Variants in TCP1 observed in about 807,000 individuals in gnomAD.
The protein encoded by TCP1 is t-complex 1, also known as T-complex protein 1 subunit alpha.
A neutral mutation model predicts 54.7 loss-of-function variants in TCP1; 6 were observed. The observed-to-expected ratio is 0.11, with a 90% CI of 0.06 to 0.22. The LOEUF (loss-of-function observed/expected upper bound fraction) is 0.22, where lower values mean the gene tolerates loss of function less well. Ranked by LOEUF, TCP1 falls within the 10% of genes least tolerant of loss-of-function variation. The pLI is 1.00. For synonymous variants in TCP1, 225 were observed against 229.7 expected, an observed-to-expected ratio of 0.98 and a Z score of 0.19; for missense variants, 511 against 678.2, an observed-to-expected ratio of 0.75 and a Z score of 2.74.
At chr6:159,786,273 G>C (rs903336551) in intron 3 of TCP1, among the ~76,000 whole-genome samples, 2 of 152,150 alleles carry the variant, frequency 1.3e-5, no homozygotes, top group African/African-American at 2.4e-5. Flanking sequence ...CTGATGGGGG[G>C]AGGAAAACTT....
chr6:159,786,087 T>A, intron 3 of TCP1, 90 bp from the exon 4 acceptor site: 1 of 984,028 alleles, frequency 1.0e-6, no homozygotes, highest in Non-Finnish European at 1.6e-6. Flanking sequence ...CATATATTAT[T>A]AACCAAAATG....
chr6:159,784,971 C>T (rs1303489789), intron 5 of TCP1, 124 bp from the exon 6 acceptor site: 3 of 897,250 alleles, frequency 3.3e-6, no homozygotes, highest in Non-Finnish European at 5.3e-6. Flanking sequence ...GCAAGCATTA[C>T]TTGTCACCAA....
In TCP1 at chr6:159,778,698, C is replaced by T. The variant is rs1003349631; in HGVS notation, c.*347G>A. 1 of 1,614,234 alleles carries T rather than the reference C, an allele frequency of 6.2e-7. No individual in the cohort carries two copies. Among genetic ancestry groups the T allele is most frequent in the Middle Eastern group, 1.6e-4 (1 of 6,062 alleles). On this transcript the variant is annotated 3_prime_UTR_variant, in exon 12 of 12. Coordinates refer to ENST00000321394, the MANE Select transcript of TCP1 (RefSeq NM_030752.3). ...AGGGGCTATAGCCTTGGGCCACCCT[C>T]TTGGAGCATCTGGCTGTCGAATTCT...
At chr6:159,785,204 C>T (rs927380325) in intron 5 of TCP1, 182 bp downstream of exon 5, 13 of 619,428 alleles carry the variant, frequency 2.1e-5, no homozygotes, top group African/African-American at 1.1e-4. Flanking sequence ...TGCGCACACA[C>T]GCACCCACTC....
In TCP1 at chr6:159,787,821, T is replaced by A; in HGVS notation, c.201A>T (p.Val67=). The change falls in exon 3 of 12, where the codon GTA becomes GTT. Residue 67 remains valine (V), a synonymous_variant. Transcript: ENST00000321394. ...AAAGAACTTTAGCTGCAGGATGTTCTACCTCCAGTAACTTCAGGATGGTTG... is the reference window on the plus strand; with the variant it reads ...AAAGAACTTTAGCTGCAGGATGTTCAACCTCCAGTAACTTCAGGATGGTTG... The part of the protein sequence containing the change: ...DGATILKLLE[V]EHPAAKVLCE... 1 of 1,614,224 alleles carries A rather than the reference T, an allele frequency of 6.2e-7. No individual in the cohort carries two copies. Among genetic ancestry groups the A allele is most frequent in the Non-Finnish European group, 8.5e-7 (1 of 1,180,028 alleles).
intron 6 of TCP1, among the ~76,000 whole-genome samples, chr6:159,784,313 T>A (rs569436066): frequency 1.4e-4 from 22 of 151,912 alleles, no homozygotes; most frequent in East Asian, 5.8e-4. Context: ...TTTTATTTTT[T>A]TTTTTTTTTG....
In TCP1 at chr6:159,778,833, G is replaced by C; in HGVS notation, c.*212C>G. 11 of 1,614,046 alleles carry C rather than the reference G, an allele frequency of 6.8e-6. No homozygotes were observed. The highest frequency in any genetic ancestry group is 9.3e-6 in the Non-Finnish European group (11 of 1,179,964). ...AATGTGTGTTCAGAGAGAATGAATT[G>C]CTTAAACTTTGAACAACCTCAATTT... On this transcript the variant is annotated 3_prime_UTR_variant, in exon 12 of 12. Coordinates refer to ENST00000321394, the MANE Select transcript of TCP1 (RefSeq NM_030752.3).
intron 3 of TCP1, among the ~76,000 whole-genome samples, chr6:159,786,200 A>C (rs976676058): frequency 6.6e-6 from 1 of 152,250 alleles, no homozygotes; most frequent in Non-Finnish European, 1.5e-5. Context: ...AAATTCTTGG[A>C]AACTGCCACT....
At chr6:159,783,379 A>ATTTTTTTTTTT (rs770127722) in intron 7 of TCP1, among the ~76,000 whole-genome samples, 1 of 118,838 alleles carries the variant, frequency 8.4e-6, no homozygotes, top group Non-Finnish European at 1.7e-5. Flanking sequence ...TGTTTAAACT[A>ATTTTTTTTTTT]TTTTTTTTTT....
chr6:159,780,285 T>G (rs1780542527), intron 9 of TCP1, 158 bp downstream of exon 9: 1 of 1,265,256 alleles, frequency 7.9e-7, no homozygotes, highest in Admixed American at 1.7e-5. Context: ...TGAAAATGGT[T>G]ACTTCATCTC....
Position 159,785,469 on chromosome 6 carries a change from G to C in TCP1, c.405C>G (p.Asn135Lys). The C allele has an allele frequency of 6.2e-7, 1 of 1,613,860 alleles. No homozygotes were observed. The highest frequency in any genetic ancestry group is 8.5e-7 in the Non-Finnish European group (1 of 1,179,918). ...CCAGTTCATCTGTGTTAACAATTAG[G>C]TTTTCATTGATATAACGCACTGCTT... ...CKEAVRYINE[N>K]LIVNTDELGR... The change falls in exon 5 of 12, where the codon AAC becomes AAG. Residue 135 changes from asparagine (N) to lysine (K), a missense_variant. Physicochemically the swap from Asn to Lys is moderately conservative, Grantham distance 94. Around this residue, in one of 5 missense-constraint regions of TCP1, gnomAD observed 305 missense variants for 352.8 expected, o/e 0.86. Transcript: ENST00000321394.
At chr6:159,779,869 C>CT (rs1780530094) in intron 10 of TCP1, 26 bp downstream of exon 10, 5 of 1,610,934 alleles carry the variant, frequency 3.1e-6, no homozygotes, top group Non-Finnish European at 3.4e-6. Flanking sequence ...TCTCAGGCCT[C>CT]TAAGACAAGA....
At chr6:159,785,823 A>G (rs892146487) in intron 4 of TCP1, 77 bp downstream of exon 4, 1 of 1,122,650 alleles carries the variant, frequency 8.9e-7, no homozygotes, top group Non-Finnish European at 1.3e-6. Flanking sequence ...AAATTTAGTT[A>G]TTAATCAAAA....
Position 159,787,834 on chromosome 6 carries a change from T to C in TCP1, c.188A>G (p.Lys63Arg). ...TITNDGATIL[K>R]LLEVEHPAAK... ...TGCAGGATGTTCTACCTCCAGTAAC[T>C]TCAGGATGGTTGCACCATCGTTAGT... Residue 63 changes from lysine (K) to arginine (R), a missense_variant, in exon 3 of 12, where the codon AAG becomes AGG. Coordinates refer to ENST00000321394, the MANE Select transcript of TCP1 (RefSeq NM_030752.3). 6.2e-7 allele frequency: 1 copy of C among 1,614,200 alleles called. No individual in the cohort carries two copies. Among genetic ancestry groups the C allele is most frequent in the Middle Eastern group, 1.6e-4 (1 of 6,062 alleles).
chr6:159,778,642 CT>C lies in TCP1; in HGVS notation c.*402del. On this transcript the variant is annotated 3_prime_UTR_variant, in exon 12 of 12. Coordinates refer to ENST00000321394, the MANE Select transcript of TCP1 (RefSeq NM_030752.3). ...CCACAGAAGAATAAACAATCTAAAT[CT>C]TTTCTCCCCCGTTAGGTCAATATTG... is the stretch of plus-strand genomic sequence containing the variant. 1 of 1,611,840 alleles carries C rather than the reference CT, an allele frequency of 6.2e-7. No individual in the cohort carries two copies. The highest frequency in any genetic ancestry group is 8.5e-7 in the Non-Finnish European group (1 of 1,178,446).
In TCP1 at chr6:159,788,179, G is replaced by C. The variant is rs779290787; in HGVS notation, c.65-36C>G. ...TCAATTAAAAATAAAAAAGAAATGA[G>C]GATAAGCCACAACTCTGAAAGACAG... On this transcript the variant is annotated intron_variant, in intron 1 of 11. Coordinates refer to ENST00000321394, the MANE Select transcript of TCP1 (RefSeq NM_030752.3). The C allele has an allele frequency of 3.1e-6, 5 of 1,594,990 alleles. No individual in the cohort carries two copies. In the East Asian group the frequency reaches 1.1e-4, roughly 36 times the overall value.
intron 7 of TCP1, among the ~76,000 whole-genome samples, chr6:159,782,789 G>A (rs1367136105): frequency 6.6e-6 from 1 of 152,148 alleles, no homozygotes; most frequent in Non-Finnish European, 1.5e-5. Context: ...GAAGTCATGG[G>A]AACAAAGGGG....
rs1178356458 is a variant in TCP1, at chr6:159,789,457, A to G, written c.12T>C (p.Pro4=). Residue 4 remains proline (P), a synonymous_variant, in exon 1 of 12, where the codon CCT becomes CCC. Transcript: ENST00000321394. Reference sequence around the variant, plus strand: ...TGCTGCGGTCACCGAACACGGACAAAGGCCCCTCCATCTTGACGGCAGCGA... The same window carrying G: ...TGCTGCGGTCACCGAACACGGACAAGGGCCCCTCCATCTTGACGGCAGCGA... MEG[P]LSVFGDRSTG... is the part of the protein sequence containing the mutation. The G allele has an allele frequency of 1.2e-6, 2 of 1,613,788 alleles. No individual in the cohort carries two copies. Among genetic ancestry groups the G allele is most frequent in the South Asian group, 1.1e-5 (1 of 91,076 alleles).
chr6:159,788,150 A>G lies in TCP1; in HGVS notation c.65-7T>C. On this transcript the variant is annotated splice_polypyrimidine_tract_variant and splice_region_variant and intron_variant, in intron 1 of 11. Coordinates refer to ENST00000321394, the MANE Select transcript of TCP1 (RefSeq NM_030752.3). ...ATCGAAGCTGCAGCCATAACTGTAG[A>G]CAATCAATTAAAAATAAAAAAGAAA... is the stretch of plus-strand genomic sequence containing the variant. The G allele has an allele frequency of 6.2e-7, 1 of 1,613,236 alleles. No individual in the cohort carries two copies. The highest frequency in any genetic ancestry group is 1.1e-5 in the South Asian group (1 of 90,996).
Sources: allele counts gnomAD v4.1 joint callset (sites outside exome capture counted in the v4.1 genomes callset), GRCh38; gene constraint gnomAD v4.1.1; regional missense constraint gnomAD v4.1.1; transcripts MANE v1.5; gene names NCBI Gene and HGNC (gene_info 2026-07-23, HGNC 2026-07-21).